SPSB1: variants seen among roughly 807,000 people sequenced by gnomAD.
SPSB1 encodes SPRY domain-containing SOCS box protein 1.
SPSB1 carries 8 observed loss-of-function variants against 21.2 expected under a neutral mutation model. The ratio of observed to expected loss-of-function variants is 0.38; its 90% CI spans 0.22 to 0.68. SPSB1 has a LOEUF of 0.68. Ranked by LOEUF, SPSB1 falls within the 30% of genes least tolerant of loss-of-function variation. The probability of loss-of-function intolerance (pLI) is 0.53; values close to 1 mark genes in which losing one functional copy is unlikely to be tolerated. For synonymous variants in SPSB1, 169 were observed against 161.7 expected, an observed-to-expected ratio of 1.05 and a Z score of -0.34; for missense variants, 242 against 377.8, an observed-to-expected ratio of 0.64 and a Z score of 2.98.
intron 2 of SPSB1, among the ~76,000 whole-genome samples, chr1:9,361,159 T>TTTTTTTTTTTTCTTTTTTC (rs1640468833): frequency 3.0e-5 from 1 of 33,230 alleles, no homozygotes; most frequent in Non-Finnish European, 6.7e-5. Flanking sequence ...TCATTTTCTT[T>TTTTTTTTTTTTCTTTTTTC]TTTTTTTTTT....
chr1:9,333,042 T>C (rs1639947869), intron 1 of SPSB1, among the ~76,000 whole-genome samples: 1 of 152,236 alleles, frequency 6.6e-6, no homozygotes, highest in African/African-American at 2.4e-5. Context: ...TCTGCCCTCG[T>C]GGGCTGCGTC....
At chr1:9,296,403 CCTTTT>C in intron 1 of SPSB1, among the ~76,000 whole-genome samples, 1 of 152,324 alleles carries the variant, frequency 6.6e-6, no homozygotes, top group African/African-American at 2.4e-5. Flanking sequence ...ACCACCTGAG[CCTTTT>C]CTTCAAGAAG....
intron 2 of SPSB1, among the ~76,000 whole-genome samples, chr1:9,360,661 G>T (rs1317586587): frequency 1.3e-5 from 2 of 152,190 alleles, no homozygotes; most frequent in Admixed American, 1.3e-4. Context: ...TTTCCCCAGG[G>T]TGCTCCACCT....
intron 1 of SPSB1, among the ~76,000 whole-genome samples, chr1:9,300,950 G>A (rs564692192): frequency 6.6e-6 from 1 of 152,340 alleles, no homozygotes; most frequent in South Asian, 2.1e-4. Context: ...ACTATATGAA[G>A]GCACAACCCG....
chr1:9,343,244 A>G (rs644728), intron 1 of SPSB1, among the ~76,000 whole-genome samples: 137,856 of 152,172 alleles, frequency 0.91, 62,737 homozygotes, highest in Middle Eastern at 0.94. Context: ...CCCTAAAAGA[A>G]ACCTCTGTCA....
At chr1:9,364,180 G>A (rs1348940588) in intron 2 of SPSB1, among the ~76,000 whole-genome samples, 1 of 152,238 alleles carries the variant, frequency 6.6e-6, no homozygotes, top group Non-Finnish European at 1.5e-5. Flanking sequence ...TCCGGCGGGG[G>A]CTGAGCCACA....
chr1:9,316,228 G>A (rs1200597865), intron 1 of SPSB1, among the ~76,000 whole-genome samples: 2 of 152,110 alleles, frequency 1.3e-5, no homozygotes, highest in African/African-American at 2.4e-5. Context: ...CTGGGGCTCC[G>A]GCACCCCCAG....
At chr1:9,328,799 G>A (rs1639867214) in intron 1 of SPSB1, among the ~76,000 whole-genome samples, 2 of 152,338 alleles carry the variant, frequency 1.3e-5, no homozygotes, top group Non-Finnish European at 2.9e-5. Flanking sequence ...ACATGGCACT[G>A]TTGACATAGG....
chr1:9,354,039 G>A (rs997436101), intron 1 of SPSB1, among the ~76,000 whole-genome samples: 52 of 152,316 alleles, frequency 3.4e-4, no homozygotes, highest in African/African-American at 1.1e-3. Context: ...GTTCTGCCAG[G>A]ACCAAACTTC....
At chr1:9,320,573 C>G (rs766063448) in intron 1 of SPSB1, among the ~76,000 whole-genome samples, 21 of 152,248 alleles carry the variant, frequency 1.4e-4, no homozygotes, top group Non-Finnish European at 2.1e-4. Flanking sequence ...CCTTGATACA[C>G]AGAGGAAGCA....
chr1:9,325,510 A>G (rs889618432), intron 1 of SPSB1, among the ~76,000 whole-genome samples: 1 of 152,098 alleles, frequency 6.6e-6, no homozygotes, highest in African/African-American at 2.4e-5. Flanking sequence ...CCCTGCTTCT[A>G]TGGGAGCGGC....
At chr1:9,328,369 G>C (rs58250473) in intron 1 of SPSB1, among the ~76,000 whole-genome samples, 11,224 of 152,238 alleles carry the variant, frequency 0.074, 1,019 homozygotes, top group African/African-American at 0.22. Context: ...GCAGAACCTT[G>C]CGTTTCTGTC....
intron 1 of SPSB1, among the ~76,000 whole-genome samples, chr1:9,320,723 C>G (rs561903571): frequency 5.9e-5 from 9 of 152,356 alleles, no homozygotes; most frequent in African/African-American, 1.7e-4. Flanking sequence ...GCTCGCCTCT[C>G]TCGGCTCTGG....
At chr1:9,302,080 G>C (rs2100461763) in intron 1 of SPSB1, among the ~76,000 whole-genome samples, 1 of 152,350 alleles carries the variant, frequency 6.6e-6, no homozygotes, top group South Asian at 2.1e-4. Flanking sequence ...CATGTGCAGG[G>C]AATTGGCCGG....
chr1:9,296,188 G>A (rs574289429), intron 1 of SPSB1, among the ~76,000 whole-genome samples: 5 of 152,322 alleles, frequency 3.3e-5, no homozygotes, highest in South Asian at 2.1e-4. Context: ...TTCACGGTGC[G>A]TGCGAGTACT....
chr1:9,307,708 G>A (rs1270003390), intron 1 of SPSB1, among the ~76,000 whole-genome samples: 1 of 152,192 alleles, frequency 6.6e-6, no homozygotes, highest in Non-Finnish European at 1.5e-5. Context: ...CAGAGACTCA[G>A]CCACCATCCT....
In SPSB1 at chr1:9,317,558, C is replaced by A. The variant is rs1639635452; in HGVS notation, c.-150+24487C>A. 6.6e-6 allele frequency among the ~76,000 whole-genome samples: 1 copy of A among 152,172 alleles called. No individual in the cohort carries two copies. The highest frequency in any genetic ancestry group is 2.4e-5 in the African/African-American group (1 of 41,434). ...GGGACAAAGCTCACTGCGGCTTCTGCCTCCCAGGCTCGGGGATCCTCACAC... is the reference window on the plus strand; with the variant it reads ...GGGACAAAGCTCACTGCGGCTTCTGACTCCCAGGCTCGGGGATCCTCACAC... On this transcript the variant is annotated intron_variant, in intron 1 of 2. Transcript: ENST00000328089. This position sits in a 1 kb window ranked among gnomAD's most constrained non-coding sequence, Gnocchi z 4.3.
intron 1 of SPSB1, among the ~76,000 whole-genome samples, chr1:9,312,716 G>T (rs1639543490): frequency 6.6e-6 from 1 of 152,086 alleles, no homozygotes; most frequent in South Asian, 2.1e-4. Context: ...CATCAAATTG[G>T]CGTGGTTTTG....
chr1:9,339,116 A>T, intron 1 of SPSB1: 3 of 650,752 alleles, frequency 4.6e-6, no homozygotes, highest in Non-Finnish European at 5.7e-6. Flanking sequence ...CAGGCAAGGC[A>T]GGCCTGGGGA....
Sources: allele counts gnomAD v4.1 joint callset (sites outside exome capture counted in the v4.1 genomes callset), GRCh38; gene constraint gnomAD v4.1.1; non-coding constraint Gnocchi (gnomAD v3.1); transcripts MANE v1.5; gene names NCBI Gene and HGNC (gene_info 2026-07-23, HGNC 2026-07-21).